Variants in ZMYM4 observed in about 807,000 individuals in gnomAD.
The protein encoded by ZMYM4 is zinc finger MYM-type containing 4.
In ZMYM4, 31 loss-of-function variants were observed where a neutral mutation model predicts 183.2. That is an observed-to-expected ratio of 0.17 (90% CI 0.13 to 0.23). The LOEUF (loss-of-function observed/expected upper bound fraction) is 0.23, where lower values mean the gene tolerates loss of function less well. ZMYM4 is among the 10% of genes least tolerant of loss of function. The pLI, the probability that ZMYM4 is intolerant of heterozygous loss-of-function variation, is 1.00. For synonymous variants in ZMYM4, 592 were observed against 631.2 expected (o/e 0.94, Z 0.93); for missense variants, 1,273 against 1,840.3 (o/e 0.69, Z 5.64).
intron 1 of ZMYM4, among the ~76,000 whole-genome samples, chr1:35,270,663 G>C (rs1034072473): frequency 6.6e-6 from 1 of 152,202 alleles, no homozygotes; most frequent in African/African-American, 2.4e-5. Context: ...GGGAGGCTGA[G>C]GCAGGGGAAT....
At chr1:35,352,961 A>G (rs994865070) in intron 2 of ZMYM4, among the ~76,000 whole-genome samples, 26 of 152,146 alleles carry the variant, frequency 1.7e-4, no homozygotes, top group African/African-American at 4.3e-4. Context: ...AATATATCCA[A>G]CTGTCTTCTT....
intron 1 of ZMYM4, among the ~76,000 whole-genome samples, chr1:35,280,436 C>A (rs1315718516): frequency 6.6e-6 from 1 of 152,112 alleles, no homozygotes; most frequent in Non-Finnish European, 1.5e-5. Context: ...TCATGCCTGG[C>A]CCACCTTCAC....
Position 35,387,102 on chromosome 1 carries a change from G to C in ZMYM4, c.1936G>C (p.Gly646Arg), listed in dbSNP as rs763234494. The part of the protein sequence containing the change: ...SIPTGSTVSA[G>R]GGSTSAVSPT... ...CCCCACAGGTTCCACAGTGTCAGCC[G>C]GAGGAGGTAGCACATCTGCTGTTTC... The change falls in exon 12 of 30, where the codon GGA becomes CGA. Residue 646 changes from glycine (G) to arginine (R), a missense_variant. Gly to Arg is a moderately radical substitution (Grantham distance 125, BLOSUM62 -2). Around this residue, in one of 6 missense-constraint regions of ZMYM4, gnomAD observed 319 missense variants for 518.1 expected, o/e 0.62. Transcript: ENST00000314607. 4.3e-6 allele frequency: 7 copies of C among 1,614,128 alleles called. No homozygotes were observed. Among genetic ancestry groups the C allele is most frequent in the Non-Finnish European group, 5.9e-6 (7 of 1,180,056 alleles).
rs528063602 is a variant in ZMYM4, at chr1:35,330,712, A to G, written c.85+5307A>G. On this transcript the variant is annotated intron_variant, in intron 2 of 29. Coordinates refer to ENST00000314607, the MANE Select transcript of ZMYM4 (RefSeq NM_005095.3). ...TTTCAAAGGTGCTACAACTGTTTCT[A>G]TTTCACTAAGGAGCAAACTAAGGCT... is the stretch of plus-strand genomic sequence containing the variant. 5.3e-5 allele frequency among the ~76,000 whole-genome samples: 8 copies of G among 152,230 alleles called. No individual in the cohort carries two copies. The South Asian group carries it at 8.3e-4, about 16-fold the overall frequency.
At chr1:35,388,305 A>G (rs974685728) in intron 13 of ZMYM4, among the ~76,000 whole-genome samples, 1 of 152,162 alleles carries the variant, frequency 6.6e-6, no homozygotes, top group African/African-American at 2.4e-5. Flanking sequence ...CCTGGGTTCA[A>G]GCGATTCTCC....
chr1:35,270,421 T>G (rs1639536898), intron 1 of ZMYM4, among the ~76,000 whole-genome samples: 1 of 152,178 alleles, frequency 6.6e-6, no homozygotes, highest in Non-Finnish European at 1.5e-5. Context: ...TTATAAAACT[T>G]ACGGGGAGCA....
intron 1 of ZMYM4, among the ~76,000 whole-genome samples, chr1:35,282,559 A>G (rs926918003): frequency 6.6e-6 from 1 of 151,988 alleles, no homozygotes; most frequent in African/African-American, 2.4e-5. Context: ...TTATTTATTT[A>G]TTTATTCATT....
chr1:35,353,990 T>TA (rs964987305), intron 2 of ZMYM4, among the ~76,000 whole-genome samples: 19 of 150,500 alleles, frequency 1.3e-4, no homozygotes, highest in African/African-American at 3.4e-4. Flanking sequence ...CACAAAAAAT[T>TA]AAAAAAAAAT....
At chr1:35,399,095 T>C (rs1644857889) in intron 22 of ZMYM4, 52 bp downstream of exon 22, 5 of 1,565,496 alleles carry the variant, frequency 3.2e-6, no homozygotes, top group Non-Finnish European at 4.4e-6. Flanking sequence ...AAAAGATCGG[T>C]ACAACTCTGA....
intron 1 of ZMYM4, among the ~76,000 whole-genome samples, chr1:35,284,937 T>A (rs538868594): frequency 5.3e-5 from 8 of 152,298 alleles, no homozygotes; most frequent in African/African-American, 1.9e-4. Flanking sequence ...GGTTAAGGCT[T>A]CAACATATGA....
intron 1 of ZMYM4, among the ~76,000 whole-genome samples, chr1:35,302,889 C>G (rs1641354626): frequency 6.6e-6 from 1 of 151,022 alleles, no homozygotes; most frequent in Non-Finnish European, 1.5e-5. Context: ...CCTGCAATCT[C>G]AGCTACTCTG....
chr1:35,289,264 T>C (rs548959765), intron 1 of ZMYM4, among the ~76,000 whole-genome samples: 7 of 152,282 alleles, frequency 4.6e-5, no homozygotes, highest in Non-Finnish European at 1.0e-4. Flanking sequence ...GGGAGCAAGA[T>C]GGGAAACAGA....
chr1:35,345,949 C>CT (rs1192657171), intron 2 of ZMYM4, among the ~76,000 whole-genome samples: 3 of 152,198 alleles, frequency 2.0e-5, no homozygotes, highest in Non-Finnish European at 2.9e-5. Context: ...CGAAATTTCT[C>CT]TCTTCTTTCA....
chr1:35,338,520 G>T (rs925833911), intron 2 of ZMYM4, among the ~76,000 whole-genome samples: 4 of 152,136 alleles, frequency 2.6e-5, no homozygotes, highest in Admixed American at 6.5e-5. Context: ...TGGGGTAGGG[G>T]AATGTCCTGG....
chr1:35,360,741 A>G (rs1643916606), intron 3 of ZMYM4, among the ~76,000 whole-genome samples: 2 of 152,068 alleles, frequency 1.3e-5, no homozygotes, highest in Admixed American at 6.6e-5. Flanking sequence ...CTTTCAAATA[A>G]CTGAAACTGT....
chr1:35,400,748 A>G (rs1043444000), intron 23 of ZMYM4, among the ~76,000 whole-genome samples: 4 of 152,220 alleles, frequency 2.6e-5, no homozygotes, highest in African/African-American at 4.8e-5. Flanking sequence ...AAGTTCCACT[A>G]TGACCTTTTG....
chr1:35,361,077 C>T (rs977495101), intron 3 of ZMYM4, 117 bp from the exon 4 acceptor site: 21 of 864,172 alleles, frequency 2.4e-5, no homozygotes, highest in African/African-American at 8.9e-5. Context: ...TTCACTCTAA[C>T]GAGCATCTTT....
intron 1 of ZMYM4, among the ~76,000 whole-genome samples, chr1:35,311,740 T>C (rs1371305942): frequency 6.6e-6 from 1 of 152,236 alleles, no homozygotes; most frequent in Non-Finnish European, 1.5e-5. Flanking sequence ...CTGTTAAACA[T>C]AGGTTAAAGA....
intron 10 of ZMYM4, 74 bp from the exon 11 acceptor site, chr1:35,386,000 G>A (rs1644567084): frequency 5.5e-6 from 6 of 1,094,552 alleles, no homozygotes; most frequent in Middle Eastern, 2.8e-4. Context: ...ATATTGTATA[G>A]TATTATTTAA....
Sources: allele counts gnomAD v4.1 joint callset (sites outside exome capture counted in the v4.1 genomes callset), GRCh38; gene constraint gnomAD v4.1.1; regional missense constraint gnomAD v4.1.1; transcripts MANE v1.5; gene names NCBI Gene and HGNC (gene_info 2026-07-23, HGNC 2026-07-21).